SMIM35: variants seen among roughly 807,000 people sequenced by gnomAD.
SMIM35 encodes small integral membrane protein 35.
intron 1 of SMIM35, among the ~76,000 whole-genome samples, chr11:118,069,097 A>G (rs1944531688): frequency 6.6e-6 from 1 of 152,166 alleles, no homozygotes; most frequent in Non-Finnish European, 1.5e-5. Context: ...CTGCATCAGC[A>G]GCATCTGTGA....
chr11:118,082,817 G>C (rs1191156487), intron 1 of SMIM35, among the ~76,000 whole-genome samples: 1 of 152,178 alleles, frequency 6.6e-6, no homozygotes, highest in Non-Finnish European at 1.5e-5. Flanking sequence ...CTATCTGTGG[G>C]AGGAGACAAG....
At chr11:118,045,027 C>A (rs975738700) in intron 1 of SMIM35, among the ~76,000 whole-genome samples, 1 of 152,106 alleles carries the variant, frequency 6.6e-6, no homozygotes, top group Non-Finnish European at 1.5e-5. Flanking sequence ...AACCTAAGTA[C>A]AACAGACCCT....
At chr11:118,047,104 G>A (rs897295508) in intron 1 of SMIM35, among the ~76,000 whole-genome samples, 6 of 152,142 alleles carry the variant, frequency 3.9e-5, no homozygotes, top group African/African-American at 7.2e-5. Flanking sequence ...GGAGTAAACC[G>A]GCTGCTGAGA....
Position 118,051,987 on chromosome 11 carries a change from C to G in SMIM35, c.7+34764G>C, listed in dbSNP as rs567449723. On this transcript the variant is annotated intron_variant, in intron 1 of 4. Coordinates refer to ENST00000689828, the MANE Select transcript of SMIM35 (RefSeq NM_001394165.1). ...AATCATGAACCTTCTGCAGAGGGAA[C>G]AGTACTGCCTGCCTCCCTAGAACAT... Among the ~76,000 whole-genome samples, 4 of 152,264 alleles carry G rather than the reference C, an allele frequency of 2.6e-5. No individual in the cohort carries two copies. The East Asian group carries it at 7.7e-4, about 29-fold the overall frequency.
intron 1 of SMIM35, among the ~76,000 whole-genome samples, chr11:118,026,385 G>A (rs929076554): frequency 2.0e-5 from 3 of 152,126 alleles, no homozygotes; most frequent in African/African-American, 7.2e-5. Context: ...CACAGCCACA[G>A]TTTTTCTCAG....
At chr11:118,009,326 C>A (rs2058139115) in intron 4 of SMIM35, among the ~76,000 whole-genome samples, 1 of 152,168 alleles carries the variant, frequency 6.6e-6, no homozygotes, top group African/African-American at 2.4e-5. Flanking sequence ...TGACAAAGGA[C>A]TATAAAGAAA....
intron 1 of SMIM35, among the ~76,000 whole-genome samples, chr11:118,055,288 C>T (rs1273906624): frequency 2.0e-5 from 3 of 152,088 alleles, no homozygotes; most frequent in Admixed American, 6.6e-5. Context: ...CCAGGGCCTC[C>T]AAGATATGCG....
chr11:118,060,143 G>T (rs1944373930), intron 1 of SMIM35, among the ~76,000 whole-genome samples: 1 of 152,120 alleles, frequency 6.6e-6, no homozygotes, highest in Non-Finnish European at 1.5e-5. Context: ...GCGCTCTAGG[G>T]GCTCCCTCAA....
rs541925620 is a variant in SMIM35, at chr11:118,040,627, A to T, written c.8-24818T>A. 9.8e-5 allele frequency among the ~76,000 whole-genome samples: 15 copies of T among 152,306 alleles called. No homozygotes were observed. The East Asian group carries it at 2.5e-3, about 25-fold the overall frequency. On this transcript the variant is annotated intron_variant, in intron 1 of 4. Transcript: ENST00000689828. ...CATCAGGCTAAAAGCAAATGATCTCATGCTAATTTGAATACGTACACACAC... is the reference window on the plus strand; with the variant it reads ...CATCAGGCTAAAAGCAAATGATCTCTTGCTAATTTGAATACGTACACACAC...
intron 1 of SMIM35, among the ~76,000 whole-genome samples, chr11:118,016,960 G>T (rs1264930251): frequency 2.0e-5 from 3 of 152,056 alleles, no homozygotes; most frequent in African/African-American, 7.2e-5. Context: ...TATGCCTCTT[G>T]GTCCTTCCTC....
intron 1 of SMIM35, among the ~76,000 whole-genome samples, chr11:118,026,362 G>C (rs185830392): frequency 6.6e-6 from 1 of 152,134 alleles, no homozygotes; most frequent in Non-Finnish European, 1.5e-5. Flanking sequence ...ACTGAGGTGG[G>C]CCAATCTTCA....
chr11:118,015,126 C>CAAAT (rs2058172761), intron 2 of SMIM35, among the ~76,000 whole-genome samples: 1 of 152,238 alleles, frequency 6.6e-6, no homozygotes, highest in Non-Finnish European at 1.5e-5. Flanking sequence ...AGGTGCTCAA[C>CAAAT]AAATATCCAT....
chr11:118,034,590 G>T (rs1400077003), intron 1 of SMIM35, among the ~76,000 whole-genome samples: 4 of 152,170 alleles, frequency 2.6e-5, no homozygotes, highest in Non-Finnish European at 5.9e-5. Context: ...TGGGCGTGGT[G>T]GTTCACATCT....
intron 4 of SMIM35, among the ~76,000 whole-genome samples, chr11:118,007,002 A>G (rs2058125213): frequency 6.6e-6 from 1 of 152,236 alleles, no homozygotes; most frequent in Admixed American, 6.5e-5. Flanking sequence ...TACAAAAGGC[A>G]TCAGACATGA....
At chr11:118,008,023 C>T (rs1481059102) in intron 4 of SMIM35, among the ~76,000 whole-genome samples, 1 of 152,120 alleles carries the variant, frequency 6.6e-6, no homozygotes, top group South Asian at 2.1e-4. Flanking sequence ...GCACGAGCCA[C>T]CACGCTCGGC....
intron 1 of SMIM35, among the ~76,000 whole-genome samples, chr11:118,035,292 C>A (rs2058350985): frequency 6.6e-6 from 1 of 152,062 alleles, no homozygotes; most frequent in Non-Finnish European, 1.5e-5. Context: ...TTTCTCCCTG[C>A]CCACCTCTCA....
chr11:118,077,042 G>A lies in SMIM35; in HGVS notation c.7+9709C>T, dbSNP rs117898143. 1,167 of 471,902 alleles carry A rather than the reference G, an allele frequency of 2.5e-3. 3 individuals are homozygous for A. The highest frequency in any genetic ancestry group is 3.0e-3 in the Non-Finnish European group (807 of 265,186). The allele number at this position is 471,902 out of a possible 1,614,324, so 29.2% of individuals were successfully genotyped here. ...TCCAGTTTGGCAACTTCACTTGTAG[G>A]GCTGTTTTAATCAAGCTGCCCAAAG... On this transcript the variant is annotated intron_variant, in intron 1 of 4. Coordinates refer to ENST00000689828, the MANE Select transcript of SMIM35 (RefSeq NM_001394165.1).
intron 1 of SMIM35, among the ~76,000 whole-genome samples, chr11:118,077,562 C>T (rs913651070): frequency 2.6e-5 from 4 of 152,212 alleles, no homozygotes; most frequent in Admixed American, 2.6e-4. Context: ...GGCTGTCCTT[C>T]CCGACTATTC....
chr11:118,020,682 T>C (rs2058220937), intron 1 of SMIM35, among the ~76,000 whole-genome samples: 1 of 152,200 alleles, frequency 6.6e-6, no homozygotes, highest in Non-Finnish European at 1.5e-5. Flanking sequence ...TGGTTTTCCA[T>C]GTAATAGTGT....
Sources: allele counts gnomAD v4.1 joint callset (sites outside exome capture counted in the v4.1 genomes callset), GRCh38; gene constraint gnomAD v4.1.1; transcripts MANE v1.5; gene names NCBI Gene and HGNC (gene_info 2026-07-23, HGNC 2026-07-21).